The following DOCK5 variants were observed in gnomAD, a reference collection of about 807,000 sequenced individuals.
The protein encoded by DOCK5 is dedicator of cytokinesis 5, also known as dedicator of cytokinesis protein 5.
A neutral mutation model predicts 251.8 loss-of-function variants in DOCK5; 142 were observed. That is an observed-to-expected ratio of 0.56 (90% CI 0.49 to 0.65). The LOEUF (loss-of-function observed/expected upper bound fraction) is 0.65, where lower values mean the gene tolerates loss of function less well. DOCK5 is among the 30% of genes least tolerant of loss of function. The pLI is 0.00. For synonymous variants in DOCK5, 842 were observed against 835.5 expected (o/e 1.01, Z -0.13); for missense variants, 2,111 against 2,312.3 (o/e 0.91, Z 1.79).
chr8:25,217,613 T>C (rs1318243115), intron 1 of DOCK5, among the ~76,000 whole-genome samples: 1 of 152,142 alleles, frequency 6.6e-6, no homozygotes, highest in East Asian at 1.9e-4. Context: ...TGGGTGCTTC[T>C]TGGGTGGGTT....
chr8:25,308,737 T>A, intron 11 of DOCK5, 46 bp from the exon 12 acceptor site: 1 of 1,605,906 alleles, frequency 6.2e-7, no homozygotes, highest in Non-Finnish European at 8.5e-7. Context: ...CTGCAGAGAC[T>A]TCCTTTCTCC....
intron 14 of DOCK5, 70 bp downstream of exon 14, chr8:25,317,201 G>A (rs529166036): frequency 9.4e-5 from 148 of 1,569,114 alleles, no homozygotes; most frequent in Middle Eastern, 1.9e-4. Context: ...AATCTTGGCC[G>A]TATTTTAATT....
chr8:25,207,152 T>C (rs1802019984), intron 1 of DOCK5, among the ~76,000 whole-genome samples: 1 of 152,184 alleles, frequency 6.6e-6, no homozygotes, highest in Non-Finnish European at 1.5e-5. Context: ...AGCACATCAC[T>C]TTATTGATCG....
intron 17 of DOCK5, among the ~76,000 whole-genome samples, chr8:25,324,807 C>T (rs1384504078): frequency 6.8e-6 from 1 of 146,538 alleles, no homozygotes; most frequent in Admixed American, 6.8e-5. Flanking sequence ...CCCGCCCCCG[C>T]CACAACAGGC....
At chr8:25,410,274 G>C in intron 51 of DOCK5, 72 bp downstream of exon 51, 3 of 1,328,924 alleles carry the variant, frequency 2.3e-6, no homozygotes, top group Non-Finnish European at 2.1e-6. Context: ...GGTTTTCCAG[G>C]CTCTTTAGTG....
intron 4 of DOCK5, 26 bp from the exon 5 acceptor site, chr8:25,278,543 A>G: frequency 6.2e-7 from 1 of 1,611,606 alleles, no homozygotes; most frequent in Non-Finnish European, 8.5e-7. Context: ...CCTAGAAGAA[A>G]GTGACCCTCG....
Position 25,401,046 on chromosome 8 carries a change from CA to C in DOCK5, c.4907del (p.His1636ProfsTer5). 1 of 1,614,016 alleles carries C rather than the reference CA, an allele frequency of 6.2e-7. No homozygotes were observed. The highest frequency in any genetic ancestry group is 8.5e-7 in the Non-Finnish European group (1 of 1,179,882). On this transcript the variant is annotated frameshift_variant, in exon 47 of 52. Transcript: ENST00000276440. LOFTEE classifies it high-confidence loss of function. Reference sequence around the variant, plus strand: ...GGAACTCAAGGAGAAAGTAGAAAAGCACTATGGGGTTATAACACTGGTAAGC... The same window carrying C: ...GGAACTCAAGGAGAAAGTAGAAAAGCCTATGGGGTTATAACACTGGTAAGC... ...FRELKEKVEK[H>X]YGVITLPPNL... is the part of the protein sequence containing the mutation.
intron 5 of DOCK5, among the ~76,000 whole-genome samples, chr8:25,280,073 C>T (rs145339487): frequency 6.6e-6 from 1 of 152,356 alleles, no homozygotes; most frequent in East Asian, 1.9e-4. Context: ...CCCACAAAGA[C>T]TGTTTATTCT....
At chr8:25,395,939 A>G (rs1801338350) in intron 45 of DOCK5, 2 of 647,908 alleles carry the variant, frequency 3.1e-6, no homozygotes, top group Admixed American at 2.5e-5. Flanking sequence ...AGCGTCACAG[A>G]AAAAAAACCA....
At chr8:25,279,406 A>G (rs1188368933) in intron 5 of DOCK5, among the ~76,000 whole-genome samples, 2 of 152,068 alleles carry the variant, frequency 1.3e-5, no homozygotes, top group African/African-American at 4.8e-5. Flanking sequence ...GAGACCAAGG[A>G]TGCTCAAAGT....
intron 47 of DOCK5, among the ~76,000 whole-genome samples, chr8:25,402,918 T>TTC (rs1801462787): frequency 6.6e-6 from 1 of 152,240 alleles, no homozygotes; most frequent in Admixed American, 6.5e-5. Context: ...CAGTCGTGCC[T>TTC]TCTTCCTAAG....
chr8:25,320,191 G>A (rs557057583), intron 15 of DOCK5, among the ~76,000 whole-genome samples: 1 of 152,124 alleles, frequency 6.6e-6, no homozygotes, highest in Non-Finnish European at 1.5e-5. Flanking sequence ...AGAGCTGACT[G>A]GTATCAGGGC....
intron 5 of DOCK5, among the ~76,000 whole-genome samples, chr8:25,281,831 A>G (rs1804201222): frequency 6.8e-6 from 1 of 147,360 alleles, no homozygotes; most frequent in Non-Finnish European, 1.5e-5. Context: ...GTGAGCCAAG[A>G]TTGTGCCATT....
rs1278936573 is a variant in DOCK5 at position 25,343,662 on chromosome 8, A to G, written c.2617+1155A>G. ...AAAACCAGGGGACAGGGAAACAGCA[A>G]TGTGTTGGATCCCACAGGAGAGCTG... On this transcript the variant is annotated intron_variant, in intron 25 of 51. Transcript: ENST00000276440. Among the ~76,000 whole-genome samples the G allele has an allele frequency of 2.6e-5, 4 of 152,166 alleles. No homozygotes were observed. The East Asian group carries it at 7.7e-4, about 29-fold the overall frequency.
intron 10 of DOCK5, among the ~76,000 whole-genome samples, chr8:25,303,256 C>T (rs368890718): frequency 2.6e-5 from 4 of 152,154 alleles, no homozygotes; most frequent in South Asian, 4.1e-4. Context: ...ACCTGGCCCA[C>T]GCTCCTTTCT....
intron 20 of DOCK5, among the ~76,000 whole-genome samples, chr8:25,333,548 G>T (rs546687671): frequency 6.6e-6 from 1 of 152,154 alleles, no homozygotes; most frequent in African/African-American, 2.4e-5. Context: ...GGGCATAGAT[G>T]GAAATCCCAA....
intron 37 of DOCK5, 135 bp downstream of exon 37, chr8:25,374,789 T>G (rs756799074): frequency 2.6e-6 from 4 of 1,566,312 alleles, no homozygotes; most frequent in Non-Finnish European, 3.5e-6. Context: ...TTTTTAGTTC[T>G]TTCTAAATAG....
chr8:25,373,620 C>A lies in DOCK5; in HGVS notation c.3687C>A (p.Asn1229Lys). ...GTGATCCTTTTTTTTCCTGGCAGAACTTTTATAAAGAAAAGAAGAGAGAGG... is the reference window on the plus strand; with the variant it reads ...GTGATCCTTTTTTTTCCTGGCAGAAATTTTATAAAGAAAAGAAGAGAGAGG... ...NRMSCTVNVL[N>K]FYKEKKREDI... Residue 1229 changes from asparagine to lysine, a missense_variant and splice_region_variant, in exon 36 of 52, where the codon AAC becomes AAA. By Grantham distance (94) the Asn-to-Lys change is moderately conservative. Around this residue, in one of 3 missense-constraint regions of DOCK5, gnomAD observed 1,717 missense variants for 1,892.4 expected, o/e 0.91. Transcript: ENST00000276440. The A allele has an allele frequency of 6.3e-7, 1 of 1,592,208 alleles. No individual in the cohort carries two copies. The highest frequency in any genetic ancestry group is 1.1e-5 in the South Asian group (1 of 87,080).
chr8:25,395,512 T>C, intron 44 of DOCK5, 31 bp from the exon 45 acceptor site: 2 of 1,587,694 alleles, frequency 1.3e-6, no homozygotes, highest in Non-Finnish European at 1.7e-6. Context: ...CTGACAAGTG[T>C]CCTCTTTCTC....
Sources: allele counts gnomAD v4.1 joint callset (sites outside exome capture counted in the v4.1 genomes callset), GRCh38; gene constraint gnomAD v4.1.1; regional missense constraint gnomAD v4.1.1; transcripts MANE v1.5; gene names NCBI Gene and HGNC (gene_info 2026-07-23, HGNC 2026-07-21).